The following SLCO1A2 variants were observed in gnomAD, a reference collection of about 807,000 sequenced individuals.
SLCO1A2 encodes solute carrier organic anion transporter family member 1A2.
SLCO1A2 carries 67 observed loss-of-function variants against 69.0 expected under a neutral mutation model. The observed-to-expected ratio is 0.97, with a 90% confidence interval of 0.80 to 1.19. The LOEUF (loss-of-function observed/expected upper bound fraction) is 1.19. Among genes scored for constraint, SLCO1A2 ranks in the 50% most tolerant of loss-of-function variants. The pLI is 0.00. For synonymous variants in SLCO1A2, 260 were observed against 265.9 expected, an observed-to-expected ratio of 0.98 and a Z score of 0.22; for missense variants, 787 against 793.7, an observed-to-expected ratio of 0.99 and a Z score of 0.10.
chr12:21,295,670 G>T lies in SLCO1A2; in HGVS notation c.1198C>A (p.Leu400Ile), dbSNP rs115033836. 1.2e-5 allele frequency: 20 copies of T among 1,606,638 alleles called. No individual in the cohort carries two copies. The African/African-American group carries it at 2.1e-4, about 17-fold the overall frequency. ...IGCWLSLLEYLLYFLSFLMTC... is the reference protein window; with the variant it reads ...IGCWLSLLEYILYFLSFLMTC... The stretch of plus-strand genomic sequence containing the variant: ...ATGAGAAAAGATAAAAAATAGAGAA[G>T]ATACTCAAGTAAGGATAACCAACAT... The change falls in exon 10 of 15, where the codon CTT (leucine) becomes ATT (isoleucine). Residue 400 changes from leucine to isoleucine, a missense_variant. Transcript: ENST00000683939.
At chr12:21,299,789 T>C (rs1467520999) in intron 8 of SLCO1A2, among the ~76,000 whole-genome samples, 2 of 117,478 alleles carry the variant, frequency 1.7e-5, no homozygotes, top group Non-Finnish European at 3.2e-5. Flanking sequence ...TATATATATA[T>C]ACACACACAC....
intron 2 of SLCO1A2, among the ~76,000 whole-genome samples, chr12:21,332,826 T>C (rs1470195405): frequency 6.6e-6 from 1 of 152,076 alleles, no homozygotes; most frequent in Admixed American, 6.6e-5. Context: ...CCTACTGCCA[T>C]CACCTTAGAA....
intron 1 of SLCO1A2, among the ~76,000 whole-genome samples, chr12:21,400,758 T>A (rs1211314913): frequency 1.3e-3 from 195 of 146,584 alleles, no homozygotes; most frequent in African/African-American, 1.6e-3. Flanking sequence ...ATCATCATTC[T>A]CAGTAAACTA....
chr12:21,295,573 C>G (rs1014506114), intron 10 of SLCO1A2, 24 bp downstream of exon 10: 7 of 1,401,040 alleles, frequency 5.0e-6, no homozygotes, highest in Non-Finnish European at 7.0e-6. Context: ...GAAAGATTCT[C>G]ACATTCATTA....
chr12:21,392,669 TGGCA>T (rs1941220762), intron 1 of SLCO1A2, among the ~76,000 whole-genome samples: 1 of 152,226 alleles, frequency 6.6e-6, no homozygotes, highest in South Asian at 2.1e-4. Flanking sequence ...TTACACATGC[TGGCA>T]ATGAGAGTTT....
chr12:21,340,071 CAG>C (rs1953016522), intron 2 of SLCO1A2, among the ~76,000 whole-genome samples: 1 of 151,966 alleles, frequency 6.6e-6, no homozygotes, highest in African/African-American at 2.4e-5. Flanking sequence ...TTCTGATTCT[CAG>C]TAAGAAAAAA....
At chr12:21,379,190 G>C (rs1050490180) in intron 1 of SLCO1A2, 1 of 152,214 alleles carries the variant, frequency 6.6e-6, no homozygotes, top group African/African-American at 2.4e-5. Context: ...ACAGAATGCT[G>C]TTTTAAAAAC....
chr12:21,349,432 C>T (rs964963159), intron 2 of SLCO1A2, among the ~76,000 whole-genome samples: 10 of 152,264 alleles, frequency 6.6e-5, no homozygotes, highest in Admixed American at 6.5e-4. Context: ...ATTTCTATCA[C>T]TTGCAACCAA....
chr12:21,317,685 T>C (rs79330979), intron 3 of SLCO1A2, among the ~76,000 whole-genome samples: 1,531 of 152,306 alleles, frequency 0.01, 21 homozygotes, highest in African/African-American at 0.034. Context: ...AGTTGAACAC[T>C]AGTAGACAAG....
intron 12 of SLCO1A2, among the ~76,000 whole-genome samples, chr12:21,280,350 C>T (rs1373627748): frequency 1.3e-5 from 2 of 151,772 alleles, no homozygotes; most frequent in Admixed American, 6.6e-5. Context: ...ATATGTCACT[C>T]ATAAAGACAG....
At chr12:21,406,507 G>A (rs780985846) in intron 1 of SLCO1A2, among the ~76,000 whole-genome samples, 9 of 152,152 alleles carry the variant, frequency 5.9e-5, no homozygotes, top group African/African-American at 1.7e-4. Context: ...AGCTTCAAGC[G>A]GCAGGATTGT....
At chr12:21,313,589 A>G (rs915554719) in intron 4 of SLCO1A2, among the ~76,000 whole-genome samples, 4 of 152,100 alleles carry the variant, frequency 2.6e-5, no homozygotes, top group Non-Finnish European at 1.5e-5. Context: ...GCATGCACCT[A>G]TAATCCCAGC....
intron 5 of SLCO1A2, among the ~76,000 whole-genome samples, chr12:21,305,726 T>G (rs11838023): frequency 1.3e-5 from 2 of 152,230 alleles, no homozygotes; most frequent in African/African-American, 4.8e-5. Flanking sequence ...ATTAATGTCA[T>G]TGTTTTCCTT....
intron 2 of SLCO1A2, among the ~76,000 whole-genome samples, chr12:21,342,869 G>C (rs1023027136): frequency 1.3e-5 from 2 of 152,022 alleles, no homozygotes; most frequent in African/African-American, 2.4e-5. Flanking sequence ...ATGATTCCTA[G>C]GTTTCTAGCT....
chr12:21,366,099 C>G (rs146111287), intron 2 of SLCO1A2, among the ~76,000 whole-genome samples: 2 of 152,142 alleles, frequency 1.3e-5, no homozygotes, highest in African/African-American at 2.4e-5. Context: ...CACATGCATA[C>G]GTATGTTTAT....
intron 3 of SLCO1A2, among the ~76,000 whole-genome samples, chr12:21,317,082 G>T (rs1254064580): frequency 6.6e-6 from 1 of 151,854 alleles, no homozygotes; most frequent in African/African-American, 2.4e-5. Context: ...CACCCATATA[G>T]TTTTTTTTAT....
intron 2 of SLCO1A2, chr12:21,319,613 G>C (rs1025230605): frequency 1.1e-5 from 5 of 472,426 alleles, no homozygotes; most frequent in African/African-American, 1.0e-4. Flanking sequence ...ACAAAAATGA[G>C]ACTCCATTTA....
chr12:21,355,715 A>T (rs984296164), intron 2 of SLCO1A2, among the ~76,000 whole-genome samples: 5 of 152,216 alleles, frequency 3.3e-5, no homozygotes, highest in African/African-American at 1.2e-4. Flanking sequence ...AGATGATCTT[A>T]TAAACAAAAA....
chr12:21,302,842 C>T (rs944551099), intron 6 of SLCO1A2, among the ~76,000 whole-genome samples: 7 of 152,204 alleles, frequency 4.6e-5, no homozygotes, highest in African/African-American at 1.7e-4. Context: ...CAGGCGCATA[C>T]CACCACACTC....
Sources: allele counts gnomAD v4.1 joint callset (sites outside exome capture counted in the v4.1 genomes callset), GRCh38; gene constraint gnomAD v4.1.1; transcripts MANE v1.5; gene names NCBI Gene and HGNC (gene_info 2026-07-23, HGNC 2026-07-21).